Variants in ZNF385D observed in about 807,000 individuals in gnomAD.
ZNF385D encodes zinc finger protein 385D.
Under a neutral mutation model 35.8 loss-of-function variants are expected in ZNF385D, and 15 were observed. The observed-to-expected ratio is 0.42, with a 90% CI of 0.28 to 0.64. ZNF385D has a LOEUF of 0.64. ZNF385D is among the 30% of genes least tolerant of loss of function. The probability of loss-of-function intolerance (pLI) is 0.23; values close to 1 mark genes in which losing one functional copy is unlikely to be tolerated. For missense variants in ZNF385D, 474 were observed against 494.6 expected (o/e 0.96, Z 0.39); for synonymous variants, 212 against 186.8 (o/e 1.13, Z -1.10).
At chr3:21,472,698 C>A (rs1703981797) in intron 4 of ZNF385D, among the ~76,000 whole-genome samples, 1 of 152,136 alleles carries the variant, frequency 6.6e-6, no homozygotes, top group Non-Finnish European at 1.5e-5. Flanking sequence ...TAAGCTTCAG[C>A]CAATCACAGG....
At chr3:22,044,919 T>C (rs1455710517) in intron 3 of ZNF385D, among the ~76,000 whole-genome samples, 1 of 151,996 alleles carries the variant, frequency 6.6e-6, no homozygotes, top group Admixed American at 6.6e-5. Flanking sequence ...TAATTGGAAG[T>C]ATGGTGCAGA....
chr3:22,112,454 G>T (rs1343217197), intron 3 of ZNF385D, among the ~76,000 whole-genome samples: 1 of 152,052 alleles, frequency 6.6e-6, no homozygotes, highest in Admixed American at 6.6e-5. Flanking sequence ...GTGGGTGACA[G>T]CATTACCAAA....
intron 3 of ZNF385D, among the ~76,000 whole-genome samples, chr3:21,544,745 T>G (rs578206475): frequency 2.6e-5 from 4 of 152,332 alleles, no homozygotes; most frequent in African/African-American, 9.6e-5. Flanking sequence ...AATTTCTGAG[T>G]CATCATTTTG....
intron 3 of ZNF385D, among the ~76,000 whole-genome samples, chr3:22,030,208 T>C (rs1387194022): frequency 1.4e-5 from 2 of 138,460 alleles, no homozygotes; most frequent in Admixed American, 1.5e-4. Flanking sequence ...GAAGACAGCC[T>C]ATTGTGGGAT....
At chr3:21,892,485 A>C (rs1698919445) in intron 3 of ZNF385D, among the ~76,000 whole-genome samples, 2 of 152,144 alleles carry the variant, frequency 1.3e-5, no homozygotes, top group African/African-American at 4.8e-5. Context: ...CTTTGCTCTG[A>C]TTAGATTTAA....
intron 3 of ZNF385D, among the ~76,000 whole-genome samples, chr3:22,140,132 A>T (rs921957741): frequency 1.9e-4 from 29 of 152,240 alleles, no homozygotes; most frequent in African/African-American, 6.8e-4. Context: ...ATTTCCTCAC[A>T]GAACTCTGTA....
At chr3:21,422,237 A>T (rs1034037928) in intron 7 of ZNF385D, among the ~76,000 whole-genome samples, 1 of 152,244 alleles carries the variant, frequency 6.6e-6, no homozygotes. Context: ...CAAAAGCTGC[A>T]TCTGTGCTGG....
intron 5 of ZNF385D, among the ~76,000 whole-genome samples, chr3:21,430,701 A>G (rs1701255227): frequency 6.6e-6 from 1 of 152,164 alleles, no homozygotes; most frequent in South Asian, 2.1e-4. Context: ...ACACACACTG[A>G]AAAATCTTTA....
intron 3 of ZNF385D, chr3:21,511,591 C>A (rs770457670): frequency 7.1e-6 from 3 of 424,636 alleles, no homozygotes; most frequent in African/African-American, 2.1e-5. Context: ...AGAAGCCGGG[C>A]AATTTCAGAT....
At chr3:21,763,765 G>A (rs2070717683) in intron 3 of ZNF385D, among the ~76,000 whole-genome samples, 2 of 145,778 alleles carry the variant, frequency 1.4e-5, no homozygotes, top group African/African-American at 2.4e-5. Flanking sequence ...CAGAAACTGT[G>A]AACAGTAAGT....
intron 3 of ZNF385D, among the ~76,000 whole-genome samples, chr3:21,872,228 G>A (rs1697731688): frequency 6.6e-6 from 1 of 152,092 alleles, no homozygotes; most frequent in Non-Finnish European, 1.5e-5. Context: ...AGTAATATAT[G>A]TGGCGACAAC....
At chr3:22,049,810 G>A (rs191909768) in intron 3 of ZNF385D, among the ~76,000 whole-genome samples, 1 of 152,072 alleles carries the variant, frequency 6.6e-6, no homozygotes, top group Non-Finnish European at 1.5e-5. Context: ...TTGCTGATTT[G>A]TGTATGTTGA....
intron 3 of ZNF385D, among the ~76,000 whole-genome samples, chr3:21,984,449 C>G (rs1576083769): frequency 1.5e-5 from 2 of 132,270 alleles, no homozygotes; most frequent in Middle Eastern, 3.6e-3. Flanking sequence ...TTGTTTTTCT[C>G]AGGTTTGTCA....
intron 3 of ZNF385D, among the ~76,000 whole-genome samples, chr3:22,048,998 T>C (rs997039922): frequency 3.3e-5 from 5 of 152,124 alleles, no homozygotes; most frequent in Admixed American, 1.3e-4. Flanking sequence ...TGTTAGTGTA[T>C]AGAAATGCTG....
intron 3 of ZNF385D, among the ~76,000 whole-genome samples, chr3:21,976,243 A>AT (rs1294989480): frequency 8.5e-5 from 13 of 152,114 alleles, no homozygotes; most frequent in East Asian, 3.9e-4. Flanking sequence ...ATGACAACAC[A>AT]TTTTTTTTAG....
At chr3:21,926,229 C>T (rs999217117) in intron 3 of ZNF385D, among the ~76,000 whole-genome samples, 183 of 152,094 alleles carry the variant, frequency 1.2e-3, no homozygotes, top group African/African-American at 4.2e-3. Context: ...TGGTTTGCTG[C>T]TCCCATAAAC....
At chr3:21,844,717 A>G (rs986201323) in intron 3 of ZNF385D, among the ~76,000 whole-genome samples, 1 of 152,012 alleles carries the variant, frequency 6.6e-6, no homozygotes, top group African/African-American at 2.4e-5. Flanking sequence ...ATTTGTTACA[A>G]TCAGCAAAAT....
intron 3 of ZNF385D, among the ~76,000 whole-genome samples, chr3:21,916,696 A>G (rs892574150): frequency 5.9e-5 from 9 of 152,230 alleles, no homozygotes; most frequent in African/African-American, 2.2e-4. Flanking sequence ...ATTAATTCAT[A>G]CTAAATTTTG....
At chr3:22,132,651 C>T (rs148439819) in intron 3 of ZNF385D, among the ~76,000 whole-genome samples, 5 of 151,880 alleles carry the variant, frequency 3.3e-5, no homozygotes, top group African/African-American at 4.8e-5. Flanking sequence ...ACTGTAGAAA[C>T]GTTACTTAAT....
Sources: allele counts gnomAD v4.1 joint callset (sites outside exome capture counted in the v4.1 genomes callset), GRCh38; gene constraint gnomAD v4.1.1; transcripts MANE v1.5; gene names NCBI Gene and HGNC (gene_info 2026-07-23, HGNC 2026-07-21).